GALNT2: variants seen among roughly 807,000 people sequenced by gnomAD.
GALNT2 encodes the protein UDP-GalNAc:polypeptide N-acetylgalactosaminyltransferase 2.
In GALNT2, 31 loss-of-function variants were observed where a neutral mutation model predicts 81.4. That is an observed-to-expected ratio of 0.38 (90% CI 0.29 to 0.51). GALNT2 has a LOEUF of 0.51. Among genes scored for constraint, GALNT2 ranks in the 20% least tolerant of loss-of-function variants. The pLI is 0.87. For missense variants in GALNT2, 629 were observed against 765.7 expected (o/e 0.82, Z 2.11); for synonymous variants, 303 against 287.4 (o/e 1.05, Z -0.55).
chr1:230,159,763 C>T (rs549331336), intron 1 of GALNT2, among the ~76,000 whole-genome samples: 11 of 152,362 alleles, frequency 7.2e-5, no homozygotes, highest in African/African-American at 2.6e-4. Flanking sequence ...ACCTTGTCTA[C>T]CTCCCCCCAC....
At chr1:230,074,398 A>G (rs551198572) in intron 1 of GALNT2, among the ~76,000 whole-genome samples, 1 of 152,268 alleles carries the variant, frequency 6.6e-6, no homozygotes. Context: ...TTTGTTGTGC[A>G]AGGCTGTCCT....
chr1:230,075,585 A>G (rs915157603), intron 1 of GALNT2, among the ~76,000 whole-genome samples: 3 of 152,182 alleles, frequency 2.0e-5, no homozygotes, highest in African/African-American at 7.2e-5. Flanking sequence ...GTATCTCTTG[A>G]GACCCTCCTA....
chr1:230,104,599 C>T (rs535271522), intron 1 of GALNT2, among the ~76,000 whole-genome samples: 3 of 152,214 alleles, frequency 2.0e-5, no homozygotes, highest in Admixed American at 2.0e-4. Context: ...CACCCTGGCT[C>T]TCCTTTCTTA....
At chr1:230,183,509 G>A (rs1046924990) in intron 2 of GALNT2, among the ~76,000 whole-genome samples, 7 of 152,030 alleles carry the variant, frequency 4.6e-5, no homozygotes, top group Admixed American at 2.0e-4. Context: ...GGTAGTGCAC[G>A]TATCTTATAA....
At chr1:230,267,199 A>G (rs921378229) in intron 14 of GALNT2, among the ~76,000 whole-genome samples, 1 of 152,170 alleles carries the variant, frequency 6.6e-6, no homozygotes, top group Non-Finnish European at 1.5e-5. Flanking sequence ...ACTTCATATC[A>G]TTGATCTCTG....
intron 1 of GALNT2, among the ~76,000 whole-genome samples, chr1:230,175,423 T>C (rs913402726): frequency 6.6e-6 from 1 of 152,098 alleles, no homozygotes; most frequent in Non-Finnish European, 1.5e-5. Flanking sequence ...ACCTGTAAAA[T>C]TGGAATAGTA....
At position 230,227,661 on chromosome 1, in the gene GALNT2, A is replaced by G. The variant is rs1664756259; in HGVS notation, c.375-8353A>G. Among the ~76,000 whole-genome samples, 3 of 152,122 alleles carry G rather than the reference A, an allele frequency of 2.0e-5. No homozygotes were observed. In the South Asian group the frequency reaches 6.2e-4, roughly 31 times the overall value. ...TATCTTCTCAGTGAATTAAAGGAGAATAGCTGTAGGTCATATTAATGGATG... is the reference window on the plus strand; with the variant it reads ...TATCTTCTCAGTGAATTAAAGGAGAGTAGCTGTAGGTCATATTAATGGATG... On this transcript the variant is annotated intron_variant, in intron 3 of 15. Transcript: ENST00000366672.
intron 3 of GALNT2, among the ~76,000 whole-genome samples, chr1:230,220,789 C>T (rs535805159): frequency 7.9e-5 from 12 of 152,216 alleles, no homozygotes; most frequent in Admixed American, 4.6e-4. Context: ...TATGATGTGA[C>T]GGTGATGCTA....
rs1475270018 is a variant in GALNT2 at position 230,243,744 on chromosome 1, GC to G, written c.729+319del. ...TTTCATGGGAGCAGTTTCCTTCCCC[GC>G]CTACAGCTTCGCAGAGTGCTTAGAA... On this transcript the variant is annotated intron_variant, in intron 7 of 15. Coordinates refer to ENST00000366672, the MANE Select transcript of GALNT2 (RefSeq NM_004481.5). This position sits in a 1 kb window ranked among gnomAD's most constrained non-coding sequence, Gnocchi z 4.2. Among the ~76,000 whole-genome samples the G allele has an allele frequency of 1.3e-5, 2 of 152,198 alleles. No individual in the cohort carries two copies. Among genetic ancestry groups the G allele is most frequent in the East Asian group, 3.9e-4 (2 of 5,176 alleles).
chr1:230,217,610 GT>G (rs76207894), intron 3 of GALNT2, among the ~76,000 whole-genome samples: 10 of 152,350 alleles, frequency 6.6e-5, no homozygotes, highest in Middle Eastern at 3.4e-3. Flanking sequence ...AAGAACAGAA[GT>G]TTACTTCTTA....
In GALNT2 at chr1:230,275,004, T is replaced by C. The variant is rs529404375; in HGVS notation, c.1560+440T>C. 6.6e-6 allele frequency among the ~76,000 whole-genome samples: 1 copy of C among 151,616 alleles called. No individual in the cohort carries two copies. The highest frequency in any genetic ancestry group is 1.5e-5 in the Non-Finnish European group (1 of 67,852). On this transcript the variant is annotated intron_variant, in intron 15 of 15. Coordinates refer to ENST00000366672, the MANE Select transcript of GALNT2 (RefSeq NM_004481.5). This position sits in a 1 kb window ranked among gnomAD's most constrained non-coding sequence, Gnocchi z 5.5. ...CATGCTACATATATACATATATACA[T>C]GCCACATATATACATATATACACGC...
intron 2 of GALNT2, among the ~76,000 whole-genome samples, chr1:230,188,949 G>A (rs1246134151): frequency 6.6e-6 from 1 of 151,964 alleles, no homozygotes; most frequent in Non-Finnish European, 1.5e-5. Context: ...CAGCCAGCCA[G>A]CTGGCAGAAG....
chr1:230,241,571 C>T (rs1014149607), intron 6 of GALNT2, among the ~76,000 whole-genome samples: 5 of 151,972 alleles, frequency 3.3e-5, no homozygotes, highest in Admixed American at 6.6e-5. Context: ...CTCAGCCTGC[C>T]GAGTAGCTGG....
At chr1:230,167,232 A>G (rs2102853345) in intron 1 of GALNT2, among the ~76,000 whole-genome samples, 1 of 152,042 alleles carries the variant, frequency 6.6e-6, no homozygotes, top group African/African-American at 2.4e-5. Context: ...TGCAGCCTCA[A>G]ACTCCTGGGC....
At chr1:230,133,305 C>T (rs550407435) in intron 1 of GALNT2, among the ~76,000 whole-genome samples, 3 of 152,288 alleles carry the variant, frequency 2.0e-5, no homozygotes, top group South Asian at 2.1e-4. Context: ...TAGATGTTCT[C>T]AGCTCTTTTC....
At chr1:230,215,054 C>T (rs758501242) in intron 3 of GALNT2, among the ~76,000 whole-genome samples, 1 of 152,162 alleles carries the variant, frequency 6.6e-6, no homozygotes, top group Non-Finnish European at 1.5e-5. Context: ...TAGGGCAGGT[C>T]ACCTTAATCA....
chr1:230,144,130 CA>C (rs1239407985), intron 1 of GALNT2, among the ~76,000 whole-genome samples: 2 of 152,162 alleles, frequency 1.3e-5, no homozygotes, highest in Admixed American at 6.5e-5. Flanking sequence ...GATCGGGAGG[CA>C]GAGCAGGTTG....
chr1:230,187,375 C>G (rs758141043), intron 2 of GALNT2, among the ~76,000 whole-genome samples: 2 of 152,254 alleles, frequency 1.3e-5, no homozygotes, highest in Non-Finnish European at 2.9e-5. Context: ...CTTCACAGGA[C>G]TCAGCCCACA....
In GALNT2 at chr1:230,164,822, G is replaced by A. The variant is rs1047934351; in HGVS notation, c.127-13396G>A. On this transcript the variant is annotated intron_variant, in intron 1 of 15. Transcript: ENST00000366672. Reference sequence around the variant, plus strand: ...TGGGATTACAGGTGTGAGCCAGCACGCCTGGCCTCTCAGCCCTCTTTCTAA... The same window carrying A: ...TGGGATTACAGGTGTGAGCCAGCACACCTGGCCTCTCAGCCCTCTTTCTAA... Among the ~76,000 whole-genome samples, 6 of 152,258 alleles carry A rather than the reference G, an allele frequency of 3.9e-5. No homozygotes were observed. The South Asian group carries it at 6.2e-4, about 16-fold the overall frequency.
Sources: gnomAD v4.1 joint callset for allele counts (sites outside exome capture counted in the v4.1 genomes callset) on GRCh38, gnomAD v4.1.1 for gene constraint, Gnocchi (gnomAD v3.1) non-coding constraint, MANE v1.5 for transcripts, NCBI Gene and HGNC (gene_info 2026-07-23, HGNC 2026-07-21) for gene names.